Variants in ECT2 observed in about 807,000 individuals in gnomAD.
ECT2 encodes the protein epithelial cell transforming 2, also known as protein ECT2.
A neutral mutation model predicts 116.9 loss-of-function variants in ECT2; 61 were observed. The observed-to-expected ratio is 0.52, with a 90% CI of 0.42 to 0.65. The LOEUF (loss-of-function observed/expected upper bound fraction) is 0.65, where lower values mean the gene tolerates loss of function less well. ECT2 is among the 30% of genes least tolerant of loss of function. ECT2 has a pLI of 0.00. For missense variants in ECT2, 937 were observed against 1,078.7 expected (o/e 0.87, Z 1.84); for synonymous variants, 358 against 346.4 (o/e 1.03, Z -0.37).
chr3:172,764,215 T>A lies in ECT2; in HGVS notation c.1069-63T>A. On this transcript the variant is annotated intron_variant, in intron 11 of 24. Coordinates refer to ENST00000392692, the MANE Select transcript of ECT2 (RefSeq NM_001258315.2). ...TGTCAGACTTGTAAATATATTTTTC[T>A]CTTGTTCCTGTCTCAGTAAAGAACC... is the stretch of plus-strand genomic sequence containing the variant. 12 of 1,409,654 alleles carry A rather than the reference T, an allele frequency of 8.5e-6. No individual in the cohort carries two copies. In the South Asian group the frequency reaches 1.4e-4, roughly 17 times the overall value. 87.3% of individuals were successfully genotyped at this position (1,409,654 alleles called of 1,614,324 possible).
intron 14 of ECT2, 101 bp from the exon 15 acceptor site, chr3:172,782,061 CT>C (rs1249253093): frequency 5.4e-6 from 3 of 558,110 alleles, no homozygotes; most frequent in Non-Finnish European, 8.9e-6. Flanking sequence ...AATTAAGACA[CT>C]TTGTAAAGTG....
chr3:172,784,782 A>T lies in ECT2; in HGVS notation c.1804A>T (p.Ser602Cys). The change falls in exon 17 of 25, where the codon AGT (serine) becomes TGT (cysteine). Residue 602 changes from serine (S) to cysteine (C), a missense_variant. Transcript: ENST00000392692. ...LLIRPVQRLP[S>C]VALLLNDLKK... ...TATCCGACCAGTACAGAGGTTACCC[A>T]GTGTTGCATTACTTTTAAATGGTAC... The T allele has an allele frequency of 8.7e-6, 14 of 1,605,596 alleles. No individual in the cohort carries two copies. Among genetic ancestry groups the T allele is most frequent in the Non-Finnish European group, 1.2e-5 (14 of 1,173,612 alleles).
intron 24 of ECT2, among the ~76,000 whole-genome samples, chr3:172,819,146 A>G (rs964961757): frequency 6.6e-6 from 1 of 152,114 alleles, no homozygotes; most frequent in African/African-American, 2.4e-5. Flanking sequence ...TAAAAGTTCC[A>G]TGTGAGGAAA....
chr3:172,760,280 A>T lies in ECT2; in HGVS notation c.684+17A>T. On this transcript the variant is annotated intron_variant, in intron 7 of 24. Transcript: ENST00000392692. ...AAATTCAGGGTATGTAAACTTGGGT[A>T]TTTTTGTGTATTTCAATACAGCATT... 1 of 1,500,674 alleles carries T rather than the reference A, an allele frequency of 6.7e-7. No homozygotes were observed. The highest frequency in any genetic ancestry group is 9.2e-7 in the Non-Finnish European group (1 of 1,081,284). The allele number at this position is 1,500,674 out of a possible 1,614,324, so 93.0% of individuals were successfully genotyped here.
At chr3:172,818,435 A>G in intron 24 of ECT2, 1 of 592,570 alleles carries the variant, frequency 1.7e-6, no homozygotes, top group Non-Finnish European at 2.1e-6. Flanking sequence ...ATTTTAGAAA[A>G]TTAATTTATT....
chr3:172,764,468 C>T lies in ECT2; in HGVS notation c.1259C>T (p.Ser420Phe). 2 of 1,614,092 alleles carry T rather than the reference C, an allele frequency of 1.2e-6. No homozygotes were observed. Among genetic ancestry groups the T allele is most frequent in the Non-Finnish European group, 1.7e-6 (2 of 1,179,954 alleles). ...TCCATAGGGTCACTCCTAGATATCTCCAACACACCAGAGTCTAGCATTAAC... is the reference window on the plus strand; with the variant it reads ...TCCATAGGGTCACTCCTAGATATCTTCAACACACCAGAGTCTAGCATTAAC... ...SLSIGSLLDI[S>F]NTPESSINYG... The change falls in exon 12 of 25, where the codon TCC (serine) becomes TTC (phenylalanine). Residue 420 changes from serine to phenylalanine, a missense_variant. Physicochemically the swap from Ser to Phe is radical, Grantham distance 155. Coordinates refer to ENST00000392692, the MANE Select transcript of ECT2 (RefSeq NM_001258315.2).
At chr3:172,823,502 T>C (rs1730770430), downstream of ECT2, among the ~76,000 whole-genome samples, 1 of 152,196 alleles carries the variant, frequency 6.6e-6, no homozygotes, top group Non-Finnish European at 1.5e-5. Flanking sequence ...TACGTATGTC[T>C]GTTGTGAATA....
chr3:172,792,063 G>A (rs748684196), intron 18 of ECT2, among the ~76,000 whole-genome samples: 2 of 152,140 alleles, frequency 1.3e-5, no homozygotes, highest in Non-Finnish European at 2.9e-5. Flanking sequence ...GCTAGTTGGT[G>A]GAGCACTCAG....
intron 12 of ECT2, among the ~76,000 whole-genome samples, chr3:172,765,931 G>A (rs1719293149): frequency 1.3e-5 from 2 of 152,164 alleles, no homozygotes; most frequent in Non-Finnish European, 2.9e-5. Context: ...TGGATTGTCT[G>A]TAAAGTTAAA....
intron 21 of ECT2, 91 bp from the exon 22 acceptor site, chr3:172,807,679 A>G: frequency 7.2e-7 from 1 of 1,386,764 alleles, no homozygotes; most frequent in South Asian, 1.5e-5. Context: ...ATTTCATTGG[A>G]ATTTCATTGC....
chr3:172,751,004 C>T (rs1361583548), intron 1 of ECT2, 147 bp downstream of exon 1: 2 of 152,336 alleles, frequency 1.3e-5, no homozygotes, highest in Non-Finnish European at 2.9e-5. Flanking sequence ...CGGGAACTCC[C>T]TCGCCGCACC....
At chr3:172,763,040 C>A in intron 11 of ECT2, 68 bp downstream of exon 11, 1 of 1,529,478 alleles carries the variant, frequency 6.5e-7, no homozygotes, top group Non-Finnish European at 9.0e-7. Context: ...CTTTTCTGTC[C>A]AGAAGGTTTA....
intron 18 of ECT2, among the ~76,000 whole-genome samples, chr3:172,792,343 C>A (rs939500097): frequency 1.3e-5 from 2 of 151,750 alleles, no homozygotes; most frequent in African/African-American, 4.8e-5. Context: ...ACAACAGCAA[C>A]AACAAAGAAA....
chr3:172,789,208 C>T (rs1724170862), intron 18 of ECT2, among the ~76,000 whole-genome samples: 1 of 141,922 alleles, frequency 7.0e-6, no homozygotes, highest in African/African-American at 2.6e-5. Flanking sequence ...GCTTCTCTCT[C>T]TCTCTTTTTT....
chr3:172,754,692 TTTCTATTTTAA>T, intron 2 of ECT2, 32 bp downstream of exon 2: 1 of 1,517,534 alleles, frequency 6.6e-7, no homozygotes, highest in South Asian at 1.2e-5. Flanking sequence ...AAACAATCAA[TTTCTATTTTAA>T]TTCTAAACTT....
chr3:172,783,961 TCAC>T (rs776308169), intron 16 of ECT2, 52 bp downstream of exon 16: 39 of 1,231,866 alleles, frequency 3.2e-5, no homozygotes, highest in Admixed American at 6.6e-5. Flanking sequence ...CTGAAGTAAT[TCAC>T]CACAATTATG....
chr3:172,795,726 C>T (rs1725521830), intron 18 of ECT2, among the ~76,000 whole-genome samples: 1 of 152,026 alleles, frequency 6.6e-6, no homozygotes, highest in Non-Finnish European at 1.5e-5. Context: ...TATAACTAAA[C>T]TTTGCAAGTA....
chr3:172,754,299 A>G (rs1716515157), intron 1 of ECT2, among the ~76,000 whole-genome samples: 1 of 152,040 alleles, frequency 6.6e-6, no homozygotes, highest in Admixed American at 6.6e-5. Flanking sequence ...ATACATTGTT[A>G]TTTTTATTAT....
chr3:172,754,809 T>G (rs1716633566), intron 2 of ECT2, 149 bp downstream of exon 2: 1 of 646,612 alleles, frequency 1.5e-6, no homozygotes, highest in Non-Finnish European at 2.5e-6. Context: ...TTTTACACTA[T>G]GTCATTTTTC....
Sources: gnomAD v4.1 joint callset for allele counts (sites outside exome capture counted in the v4.1 genomes callset) on GRCh38, gnomAD v4.1.1 for gene constraint, MANE v1.5 for transcripts, NCBI Gene and HGNC (gene_info 2026-07-23, HGNC 2026-07-21) for gene names.